The following HSPA14 variants were observed in gnomAD, a reference collection of about 807,000 sequenced individuals.
HSPA14 encodes heat shock protein family A (Hsp70) member 14.
In HSPA14, 37 loss-of-function variants were observed where a neutral mutation model predicts 65.5. The ratio of observed to expected loss-of-function variants is 0.56; its 90% CI spans 0.43 to 0.74. The LOEUF (loss-of-function observed/expected upper bound fraction) is 0.74. HSPA14 is among the 30% of genes least tolerant of loss of function. The pLI is 0.00. For synonymous variants in HSPA14, 203 were observed against 214.2 expected, an observed-to-expected ratio of 0.95 and a Z score of 0.46; for missense variants, 564 against 607.6, an observed-to-expected ratio of 0.93 and a Z score of 0.75.
At chr10:14,854,394 A>G in intron 9 of HSPA14, 114 bp downstream of exon 9, 1 of 817,840 alleles carries the variant, frequency 1.2e-6, no homozygotes, top group Non-Finnish European at 1.9e-6. Flanking sequence ...TCAACCATCT[A>G]TAATGTCTTC....
intron 3 of HSPA14, chr10:14,845,035 G>A (rs1834031652): frequency 1.0e-6 from 1 of 985,362 alleles, no homozygotes; most frequent in Non-Finnish European, 1.2e-6. Context: ...TTAACTTTGG[G>A]AACACTAGAG....
At chr10:14,846,015 C>T (rs999512462) in intron 3 of HSPA14, 3 of 932,856 alleles carry the variant, frequency 3.2e-6, no homozygotes, top group Non-Finnish European at 3.8e-6. Flanking sequence ...GTCACAGCAG[C>T]ATATGTATAT....
In HSPA14 at chr10:14,842,298, A is replaced by G. The variant is rs932429834; in HGVS notation, c.221+2141A>G. 1.6e-5 allele frequency: 24 copies of G among 1,535,750 alleles called. No homozygotes were observed. Among genetic ancestry groups the G allele is most frequent in the Non-Finnish European group, 2.1e-5 (24 of 1,146,714 alleles). On this transcript the variant is annotated intron_variant, in intron 3 of 13. Coordinates refer to ENST00000378372, the MANE Select transcript of HSPA14 (RefSeq NM_016299.4). This position sits in a 1 kb window ranked among gnomAD's most constrained non-coding sequence, Gnocchi z 5.2. ...TTCCAACCCACAATGGCCAGTGCCA[A>G]TAGCAGTGCGGGCATCCGGTGGTCC...
intron 10 of HSPA14, among the ~76,000 whole-genome samples, chr10:14,860,146 C>T (rs1050540603): frequency 1.3e-5 from 2 of 151,988 alleles, no homozygotes; most frequent in Non-Finnish European, 2.9e-5. Context: ...AATGAGATAC[C>T]TGGTGATTTT....
rs1189435948 is a variant in HSPA14, at chr10:14,842,489, C to T, written c.221+2332C>T. 2.6e-6 allele frequency: 4 copies of T among 1,536,038 alleles called. No individual in the cohort carries two copies. The highest frequency in any genetic ancestry group is 2.7e-5 in the African/African-American group (2 of 73,054). On this transcript the variant is annotated intron_variant, in intron 3 of 13. Coordinates refer to ENST00000378372, the MANE Select transcript of HSPA14 (RefSeq NM_016299.4). The surrounding 1 kb of genome is among the most constrained non-coding windows in gnomAD (Gnocchi z 5.2). ...TCAGTGCCGCTCCAAGTTTAAAGTT[C>T]TGAAGGCATTATATTTAAAGGCCTA... is the stretch of plus-strand genomic sequence containing the variant.
Position 14,854,283 on chromosome 10 carries a change from A to G in HSPA14, c.890+3A>G. On this transcript the variant is annotated splice_donor_region_variant and intron_variant, in intron 9 of 13. Transcript: ENST00000378372. ...GATTTTGATTGCAATGTGTCCAGGT[A>G]AAACTGAAGTTCAAAAAACTTTTTT... is the stretch of plus-strand genomic sequence containing the variant. 6.4e-7 allele frequency: 1 copy of G among 1,569,020 alleles called. No individual in the cohort carries two copies. The highest frequency in any genetic ancestry group is 1.2e-5 in the South Asian group (1 of 85,040).
intron 10 of HSPA14, among the ~76,000 whole-genome samples, chr10:14,865,536 C>T (rs1480102812): frequency 6.6e-6 from 1 of 152,202 alleles, no homozygotes; most frequent in East Asian, 1.9e-4. Context: ...CAGCTTTCTA[C>T]CTATGGCTAG....
intron 10 of HSPA14, among the ~76,000 whole-genome samples, chr10:14,864,314 T>C (rs1189480236): frequency 2.0e-5 from 3 of 150,336 alleles, no homozygotes; most frequent in Non-Finnish European, 3.0e-5. Context: ...TAGCACCACT[T>C]ACTTTTTTTT....
At chr10:14,844,042 T>A in intron 3 of HSPA14, 1 of 1,440,368 alleles carries the variant, frequency 6.9e-7, no homozygotes, top group Non-Finnish European at 9.0e-7. Context: ...TAATTGCTAG[T>A]TCATTTTCCC....
At chr10:14,843,559 G>A in intron 3 of HSPA14, 5 of 1,550,680 alleles carry the variant, frequency 3.2e-6, no homozygotes, top group Non-Finnish European at 4.4e-6. Flanking sequence ...TTCGAGAGCT[G>A]GTTTTGTTTC....
At position 14,852,539 on chromosome 10, in the gene HSPA14, T is replaced by C. The variant is rs1193859319; in HGVS notation, c.734+8T>C. 1 of 1,605,938 alleles carries C rather than the reference T, an allele frequency of 6.2e-7. No individual in the cohort carries two copies. On this transcript the variant is annotated splice_region_variant and intron_variant, in intron 8 of 13. Coordinates refer to ENST00000378372, the MANE Select transcript of HSPA14 (RefSeq NM_016299.4). Reference sequence around the variant, plus strand: ...AGCTTCTGAGTTCCAAAGGTGAGTGTTAATGGCCTGAATAATACCTTCTGA... The same window carrying C: ...AGCTTCTGAGTTCCAAAGGTGAGTGCTAATGGCCTGAATAATACCTTCTGA...
At chr10:14,844,392 A>T in intron 3 of HSPA14, 2 of 995,190 alleles carry the variant, frequency 2.0e-6, no homozygotes, top group Non-Finnish European at 2.4e-6. Context: ...ATATACTGTG[A>T]CTTCATTGCT....
chr10:14,839,282 GGAA>G (rs1318460884), intron 1 of HSPA14, among the ~76,000 whole-genome samples: 1 of 152,244 alleles, frequency 6.6e-6, no homozygotes, highest in Non-Finnish European at 1.5e-5. Context: ...TGTAGAAATG[GGAA>G]GAAAGGGGCC....
chr10:14,846,812 G>A, intron 3 of HSPA14: 1 of 985,384 alleles, frequency 1.0e-6, no homozygotes, highest in Non-Finnish European at 1.2e-6. Flanking sequence ...TGACCGTAAG[G>A]GATATTCAAG....
chr10:14,844,909 G>A (rs41284451), intron 3 of HSPA14: 38,826 of 985,310 alleles, frequency 0.039, 883 homozygotes, highest in East Asian at 0.12. Context: ...TACAGGGCAA[G>A]CCCTAGAAAC....
intron 12 of HSPA14, 60 bp from the exon 13 acceptor site, chr10:14,870,537 T>C: frequency 6.6e-7 from 1 of 1,523,906 alleles, no homozygotes; most frequent in Non-Finnish European, 8.9e-7. Flanking sequence ...CAATAATTGA[T>C]ACATCAGTTC....
chr10:14,847,136 G>A (rs1834065416), intron 3 of HSPA14: 1 of 537,468 alleles, frequency 1.9e-6, no homozygotes, highest in East Asian at 1.5e-4. Flanking sequence ...GTCTTCAGAG[G>A]AGAGCGGCCC....
intron 3 of HSPA14, chr10:14,847,062 C>A (rs185180686): frequency 1.7e-4 from 164 of 983,810 alleles, no homozygotes; most frequent in African/African-American, 1.2e-3. Flanking sequence ...CCATTCTCTG[C>A]TTTGCTTTCT....
chr10:14,838,816 C>T (rs1358503438), intron 1 of HSPA14, among the ~76,000 whole-genome samples: 1 of 151,582 alleles, frequency 6.6e-6, no homozygotes, highest in Admixed American at 6.6e-5. Context: ...CCGGGGACGG[C>T]GGGGCTGCGA....
Sources: allele counts gnomAD v4.1 joint callset (sites outside exome capture counted in the v4.1 genomes callset), GRCh38; gene constraint gnomAD v4.1.1; non-coding constraint Gnocchi (gnomAD v3.1); transcripts MANE v1.5; gene names NCBI Gene and HGNC (gene_info 2026-07-23, HGNC 2026-07-21).